HERC4: variants seen among roughly 807,000 people sequenced by gnomAD.
HERC4 encodes HECT and RLD domain containing E3 ubiquitin protein ligase 4.
A neutral mutation model predicts 124.3 loss-of-function variants in HERC4; 28 were observed. That is an observed-to-expected ratio of 0.23 (90% CI 0.17 to 0.31). The LOEUF (loss-of-function observed/expected upper bound fraction) is 0.31, where lower values mean the gene tolerates loss of function less well. Among genes scored for constraint, HERC4 ranks in the 10% least tolerant of loss-of-function variants. The probability of loss-of-function intolerance (pLI) is 1.00; values close to 1 mark genes in which losing one functional copy is unlikely to be tolerated. For synonymous variants in HERC4, 407 were observed against 421.5 expected (o/e 0.97, Z 0.42); for missense variants, 713 against 1,229.3 (o/e 0.58, Z 6.28).
At chr10:67,977,283 GAAC>G (rs975863461) in intron 15 of HERC4, among the ~76,000 whole-genome samples, 4 of 152,134 alleles carry the variant, frequency 2.6e-5, no homozygotes, top group Non-Finnish European at 4.4e-5. Context: ...TGTAGCTCCT[GAAC>G]AACATTTCTA....
chr10:67,929,383 C>CATTTATTCTTTAAAATAAATG lies in HERC4; in HGVS notation c.2838+3213_2838+3214insCATTTATTTTAAAGAATAAAT, dbSNP rs1267567913. On this transcript the variant is annotated intron_variant, in intron 23 of 24. Transcript: ENST00000373700. ...GAAGTCACACCCTCCCACTCAACCC[C>CATTTATTCTTTAAAATAAATG]TTGTCTCTATTCACTATAATTTTTT... is the stretch of plus-strand genomic sequence containing the variant. Among the ~76,000 whole-genome samples the CATTTATTCTTTAAAATAAATG allele has an allele frequency of 1.8e-4, 27 of 152,308 alleles. No individual in the cohort carries two copies. The East Asian group carries it at 4.2e-3, about 24-fold the overall frequency.
intron 11 of HERC4, 131 bp downstream of exon 11, chr10:67,992,068 G>A (rs1227391997): frequency 1.3e-6 from 1 of 759,518 alleles, no homozygotes; most frequent in Non-Finnish European, 2.1e-6. Context: ...CCAGCTAATT[G>A]TATTTTTTTG....
Position 68,027,022 on chromosome 10 carries a change from A to G in HERC4, c.778-1346T>C, listed in dbSNP as rs2038939153. On this transcript the variant is annotated intron_variant, in intron 7 of 24. Transcript: ENST00000373700. ...ACAAAACAAACAAACAAAAAAACAT[A>G]TAATATATAACTAATTAAATAACTA... Among the ~76,000 whole-genome samples, 3 of 152,182 alleles carry G rather than the reference A, an allele frequency of 2.0e-5. No homozygotes were observed. In the South Asian group the frequency reaches 6.2e-4, roughly 32 times the overall value.
intron 4 of HERC4, among the ~76,000 whole-genome samples, chr10:68,042,976 C>T (rs1033308073): frequency 2.6e-5 from 4 of 152,134 alleles, no homozygotes; most frequent in Admixed American, 2.0e-4. Context: ...ATGTTGAGCA[C>T]ATACAAAAAT....
intron 19 of HERC4, among the ~76,000 whole-genome samples, chr10:67,941,928 T>C (rs1449572680): frequency 6.6e-6 from 1 of 152,146 alleles, no homozygotes; most frequent in Non-Finnish European, 1.5e-5. Context: ...AGTGCTGGGA[T>C]TACAGGCGTG....
intron 9 of HERC4, among the ~76,000 whole-genome samples, chr10:68,001,927 T>C (rs922874268): frequency 1.3e-5 from 2 of 152,188 alleles, no homozygotes; most frequent in Non-Finnish European, 1.5e-5. Context: ...TATAGAGGTA[T>C]ACAATATTTT....
chr10:68,068,999 G>C (rs2041439705), intron 3 of HERC4: 1 of 962,460 alleles, frequency 1.0e-6, no homozygotes, highest in Non-Finnish European at 1.2e-6. Context: ...TAGATAACAG[G>C]GCTTGTTTTT....
intron 23 of HERC4, among the ~76,000 whole-genome samples, chr10:67,926,419 A>T (rs975677652): frequency 2.1e-4 from 31 of 147,868 alleles, no homozygotes; most frequent in African/African-American, 6.7e-4. Context: ...TAAAAAATAA[A>T]AAAAAAAAAA....
At chr10:68,047,171 A>G (rs150606458) in intron 3 of HERC4, among the ~76,000 whole-genome samples, 2 of 149,198 alleles carry the variant, frequency 1.3e-5, no homozygotes, top group East Asian at 4.0e-4. Context: ...CAAAAGAATA[A>G]CATCCCCAGT....
chr10:67,963,492 G>A (rs904565469), intron 16 of HERC4, among the ~76,000 whole-genome samples: 16 of 152,120 alleles, frequency 1.1e-4, no homozygotes, highest in Non-Finnish European at 2.9e-5. Flanking sequence ...GCTGGGACGT[G>A]AGCCTCCGCA....
chr10:68,060,244 A>T (rs1354787965), intron 3 of HERC4, among the ~76,000 whole-genome samples: 2 of 152,082 alleles, frequency 1.3e-5, no homozygotes, highest in Admixed American at 6.6e-5. Context: ...TGTTTTTGAG[A>T]CAGAGTCTTG....
At position 67,932,565 on chromosome 10, in the gene HERC4, T is replaced by C. The variant is rs115500834; in HGVS notation, c.2838+32A>G. On this transcript the variant is annotated intron_variant, in intron 23 of 24. Coordinates refer to ENST00000373700, the MANE Select transcript of HERC4 (RefSeq NM_015601.4). ...AGATTTCCATATATAAATCTTTCCA[T>C]TTAACAATATCAGAGATTAGTTTTC... 2.2e-4 allele frequency: 342 copies of C among 1,556,102 alleles called. 1 individual carries two copies. The African/African-American group carries it at 4.5e-3, about 21-fold the overall frequency.
chr10:68,010,332 C>T, intron 9 of HERC4: 1 of 934,874 alleles, frequency 1.1e-6, no homozygotes, highest in East Asian at 2.8e-5. Context: ...GCCTGGGGCA[C>T]CAAAATGGGG....
At chr10:68,039,715 C>A in intron 4 of HERC4, 1 of 1,335,716 alleles carries the variant, frequency 7.5e-7, no homozygotes, top group Non-Finnish European at 9.6e-7. Flanking sequence ...CAAACACTGG[C>A]AATGCAAACA....
At position 68,037,872 on chromosome 10, in the gene HERC4, G is replaced by C. The variant is rs377570108; in HGVS notation, c.463+221C>G. On this transcript the variant is annotated intron_variant, in intron 5 of 24. Transcript: ENST00000373700. ...GATTTTCCTTGAATTGATTTATAGA[G>C]ACAACAAAATCCCAAATTCCTAGCA... Among the ~76,000 whole-genome samples, 3 of 152,058 alleles carry C rather than the reference G, an allele frequency of 2.0e-5. No homozygotes were observed. The East Asian group carries it at 5.8e-4, about 29-fold the overall frequency.
At chr10:68,011,119 C>T (rs117616775) in intron 9 of HERC4, among the ~76,000 whole-genome samples, 1,730 of 152,256 alleles carry the variant, frequency 0.011, 16 homozygotes, top group Non-Finnish European at 0.018. Flanking sequence ...CTGGAGTGCA[C>T]TAGTATGATC....
chr10:68,059,902 T>TCA (rs2040907247), intron 3 of HERC4, among the ~76,000 whole-genome samples: 2 of 77,672 alleles, frequency 2.6e-5, no homozygotes, highest in African/African-American at 1.6e-4. Flanking sequence ...ATATTATATA[T>TCA]TATATAATAT....
At chr10:68,070,860 C>T (rs961269010) in intron 3 of HERC4, among the ~76,000 whole-genome samples, 2 of 152,124 alleles carry the variant, frequency 1.3e-5, no homozygotes, top group African/African-American at 4.8e-5. Flanking sequence ...TATGTGATCA[C>T]CAATAGAATT....
chr10:68,005,272 CCTTTT>C (rs1246645843), intron 9 of HERC4, among the ~76,000 whole-genome samples: 15 of 152,234 alleles, frequency 9.9e-5, no homozygotes, highest in African/African-American at 3.4e-4. Flanking sequence ...TTGTACTAAT[CCTTTT>C]ATCATTATAC....
Sources: gnomAD v4.1 joint callset for allele counts (sites outside exome capture counted in the v4.1 genomes callset) on GRCh38, gnomAD v4.1.1 for gene constraint, MANE v1.5 for transcripts, NCBI Gene and HGNC (gene_info 2026-07-23, HGNC 2026-07-21) for gene names.